The following CPD variants were observed in gnomAD, a reference collection of about 807,000 sequenced individuals.
The protein encoded by CPD is carboxypeptidase D.
Under a neutral mutation model 138.3 loss-of-function variants are expected in CPD, and 69 were observed. The observed-to-expected ratio is 0.50, with a 90% CI of 0.41 to 0.61. The LOEUF (loss-of-function observed/expected upper bound fraction) is 0.61, where lower values mean the gene tolerates loss of function less well. Ranked by LOEUF, CPD falls within the 20% of genes least tolerant of loss-of-function variation. CPD has a pLI of 0.00. For synonymous variants in CPD, 651 were observed against 642.1 expected, an observed-to-expected ratio of 1.01 and a Z score of -0.21; for missense variants, 1,432 against 1,733.3, an observed-to-expected ratio of 0.83 and a Z score of 3.09.
chr17:30,402,704 A>G (rs1911706259), intron 2 of CPD, among the ~76,000 whole-genome samples: 1 of 152,140 alleles, frequency 6.6e-6, no homozygotes, highest in African/African-American at 2.4e-5. Flanking sequence ...TCTTTATAAT[A>G]TATTGAGCTT....
chr17:30,405,770 A>C lies in CPD; in HGVS notation c.995-15071A>C, dbSNP rs139645442. The stretch of plus-strand genomic sequence containing the variant: ...TTTTAATTTTTTGGGAGATATTCTC[A>C]GCCATTTCTCAGAAATTCTCACAAA... On this transcript the variant is annotated intron_variant, in intron 2 of 20. Coordinates refer to ENST00000225719, the MANE Select transcript of CPD (RefSeq NM_001304.5). Among the ~76,000 whole-genome samples the C allele has an allele frequency of 5.9e-5, 9 of 152,194 alleles. No individual in the cohort carries two copies. In the East Asian group the frequency reaches 1.7e-3, roughly 29 times the overall value.
intron 2 of CPD, among the ~76,000 whole-genome samples, chr17:30,404,043 A>G (rs1394506698): frequency 6.6e-6 from 1 of 152,200 alleles, no homozygotes; most frequent in Non-Finnish European, 1.5e-5. Context: ...TTTATATGAC[A>G]TTCTAGAGAA....
chr17:30,469,110 C>T lies in CPD; in HGVS notation c.*4296C>T, dbSNP rs546610847. 2.0e-5 allele frequency: 3 copies of T among 152,252 alleles called. No individual in the cohort carries two copies. The South Asian group carries it at 6.2e-4, about 32-fold the overall frequency. 9.4% of individuals were successfully genotyped at this position (152,252 alleles called of 1,614,324 possible). ...GGATGAATTCAATATCCCCTTTTCA[C>T]TTAGCAACAATGTGTTACTTCTACC... On this transcript the variant is annotated 3_prime_UTR_variant, in exon 21 of 21. Coordinates refer to ENST00000225719, the MANE Select transcript of CPD (RefSeq NM_001304.5).
Position 30,406,036 on chromosome 17 carries a change from CTT to C in CPD, c.995-14801_995-14800del, listed in dbSNP as rs535986285. ...CATTTTGTGATTTCGTTGCTGGAAA[CTT>C]TTTAAAAATTATATTTGCTGATTAT... is the stretch of plus-strand genomic sequence containing the variant. On this transcript the variant is annotated intron_variant, in intron 2 of 20. Coordinates refer to ENST00000225719, the MANE Select transcript of CPD (RefSeq NM_001304.5). Among the ~76,000 whole-genome samples, 377 of 151,980 alleles carry C rather than the reference CTT, an allele frequency of 2.5e-3. 1 individual carries two copies. The highest frequency in any genetic ancestry group is 8.7e-3 in the African/African-American group (360 of 41,512).
intron 2 of CPD, among the ~76,000 whole-genome samples, chr17:30,415,429 G>A (rs1043434155): frequency 6.6e-6 from 1 of 151,984 alleles, no homozygotes; most frequent in Admixed American, 6.6e-5. Flanking sequence ...ATTGTCCAAC[G>A]TGAAACAGAG....
In CPD at chr17:30,409,050, G is replaced by C. The variant is rs1161352409; in HGVS notation, c.995-11791G>C. On this transcript the variant is annotated intron_variant, in intron 2 of 20. Transcript: ENST00000225719. ...ATTCCATCAATACCTAGTTTATTGA[G>C]AGTTTTTAGCATGAAGGGCTGTTGA... Among the ~76,000 whole-genome samples the C allele has an allele frequency of 2.0e-5, 3 of 152,304 alleles. No homozygotes were observed. In the East Asian group the frequency reaches 5.8e-4, roughly 29 times the overall value.
intron 1 of CPD, among the ~76,000 whole-genome samples, chr17:30,381,703 T>C (rs112439489): frequency 0.013 from 1,911 of 152,318 alleles, 34 homozygotes; most frequent in African/African-American, 0.044. Context: ...TAGTGTCAAC[T>C]TTATGGATGG....
At chr17:30,396,727 A>G (rs1449745695) in intron 2 of CPD, among the ~76,000 whole-genome samples, 1 of 152,240 alleles carries the variant, frequency 6.6e-6, no homozygotes, top group Non-Finnish European at 1.5e-5. Context: ...CAGTATTACT[A>G]GACAGATTCC....
At chr17:30,458,755 A>G (rs993480540) in intron 17 of CPD, among the ~76,000 whole-genome samples, 2 of 151,844 alleles carry the variant, frequency 1.3e-5, no homozygotes, top group African/African-American at 2.4e-5. Flanking sequence ...AATCCCAGCT[A>G]CCCGGGAGGC....
At chr17:30,420,357 A>G (rs1912233434) in intron 2 of CPD, among the ~76,000 whole-genome samples, 1 of 152,232 alleles carries the variant, frequency 6.6e-6, no homozygotes, top group African/African-American at 2.4e-5. Flanking sequence ...TTCGGCATGA[A>G]TATGCTTCAC....
chr17:30,422,937 C>A lies in CPD; in HGVS notation c.1571C>A (p.Thr524Asn). The A allele has an allele frequency of 6.2e-7, 1 of 1,614,044 alleles. No individual in the cohort carries two copies. The highest frequency in any genetic ancestry group is 8.5e-7 in the Non-Finnish European group (1 of 1,179,934). The change falls in exon 5 of 21, where the codon ACC (threonine) becomes AAC (asparagine). Residue 524 changes from threonine (T) to asparagine (N), a missense_variant. Physicochemically the swap from Thr to Asn is moderately conservative, Grantham distance 65 (BLOSUM62 0). This residue lies in a region of CPD where 297 missense variants were observed against 405.3 expected (regional missense o/e 0.73). Coordinates refer to ENST00000225719, the MANE Select transcript of CPD (RefSeq NM_001304.5). ...TTTGCCAATGAATATCCTAACATTA[C>A]CCGGCTTTATTCCTTGGGAAAATCA... is the stretch of plus-strand genomic sequence containing the variant. ...RRFANEYPNI[T>N]RLYSLGKSVE... is the part of the protein sequence containing the mutation.
At chr17:30,456,190 A>AG in intron 15 of CPD, 66 bp from the exon 16 acceptor site, 1 of 1,237,674 alleles carries the variant, frequency 8.1e-7, no homozygotes. Flanking sequence ...GTATCCATGA[A>AG]GGTTAACTTG....
At chr17:30,412,952 T>A (rs975784777) in intron 2 of CPD, among the ~76,000 whole-genome samples, 2 of 152,260 alleles carry the variant, frequency 1.3e-5, no homozygotes, top group African/African-American at 4.8e-5. Flanking sequence ...AATCTACCCC[T>A]CTTCTGTGTC....
rs760293676 is a variant in CPD, at chr17:30,422,866, C to T, written c.1500C>T (p.Asp500=). The change falls in exon 5 of 21, where the codon GAC becomes GAT. Residue 500 remains aspartate, a synonymous_variant. Transcript: ENST00000225719. The part of the protein sequence containing the change: ...SSSYQPIQPK[D]FHHHHFPDME... ...CCTACCAGCCAATTCAGCCAAAGGA[C>T]TTTCACCACCACCATTTCCCTGATA... The T allele has an allele frequency of 3.3e-5, 53 of 1,614,092 alleles. No individual in the cohort carries two copies. Among genetic ancestry groups the T allele is most frequent in the Non-Finnish European group, 4.3e-5 (51 of 1,179,964 alleles).
At chr17:30,408,695 A>C (rs1293558759) in intron 2 of CPD, among the ~76,000 whole-genome samples, 1 of 152,186 alleles carries the variant, frequency 6.6e-6, no homozygotes, top group Non-Finnish European at 1.5e-5. Flanking sequence ...TATCAGCTTA[A>C]GGAGATTTGG....
intron 2 of CPD, among the ~76,000 whole-genome samples, chr17:30,397,739 A>G (rs1171807951): frequency 1.5e-5 from 2 of 134,222 alleles, no homozygotes; most frequent in Non-Finnish European, 3.1e-5. Context: ...TCCTGTCTCA[A>G]AAAAAAAAAA....
chr17:30,436,763 A>G (rs1456542793), intron 8 of CPD, among the ~76,000 whole-genome samples: 1 of 152,260 alleles, frequency 6.6e-6, no homozygotes, highest in Non-Finnish European at 1.5e-5. Context: ...TTCCACTGCT[A>G]GGTATATACC....
intron 12 of CPD, among the ~76,000 whole-genome samples, chr17:30,449,314 A>G (rs1227883909): frequency 6.6e-6 from 1 of 152,170 alleles, no homozygotes; most frequent in Non-Finnish European, 1.5e-5. Flanking sequence ...GAAGGATGGT[A>G]AACTAAATCA....
chr17:30,446,213 A>G (rs1307635373), intron 12 of CPD, among the ~76,000 whole-genome samples, 193 bp downstream of exon 12: 1 of 152,024 alleles, frequency 6.6e-6, no homozygotes, highest in East Asian at 1.9e-4. Flanking sequence ...TTTAGGGTAC[A>G]TGTGCACAAC....
Sources: gnomAD v4.1 joint callset for allele counts (sites outside exome capture counted in the v4.1 genomes callset) on GRCh38, gnomAD v4.1.1 for gene constraint, gnomAD v4.1.1 regional missense constraint, MANE v1.5 for transcripts, NCBI Gene and HGNC (gene_info 2026-07-23, HGNC 2026-07-21) for gene names.